The following UMAD1 variants were observed in gnomAD, a reference collection of about 807,000 sequenced individuals.
UMAD1 encodes the protein UBAP1-MVB12-associated (UMA) domain containing 1.
A neutral mutation model predicts 6.1 loss-of-function variants in UMAD1; 8 were observed. The observed-to-expected ratio is 1.30, with a 90% confidence interval of 0.76 to 2.35. UMAD1 has a LOEUF of 2.35. UMAD1 is among the 30% of genes most tolerant of loss of function. The pLI is 0.00. For synonymous variants in UMAD1, 56 were observed against 31.4 expected (o/e 1.78, Z -2.61); for missense variants, 130 against 78.4 (o/e 1.66, Z -2.49).
intron 2 of UMAD1, among the ~76,000 whole-genome samples, chr7:7,782,877 A>G (rs574195690): frequency 1.3e-5 from 2 of 151,880 alleles, no homozygotes; most frequent in South Asian, 4.2e-4. Context: ...CTACAGATGC[A>G]CGCCACCACA....
chr7:7,746,733 A>T (rs151311322), intron 2 of UMAD1, among the ~76,000 whole-genome samples: 79 of 152,384 alleles, frequency 5.2e-4, no homozygotes, highest in African/African-American at 1.8e-3. Context: ...AATGCCAGCC[A>T]AATGCCCTGT....
chr7:7,708,324 A>C (rs1348555417), intron 2 of UMAD1, among the ~76,000 whole-genome samples: 1 of 152,204 alleles, frequency 6.6e-6, no homozygotes, highest in Non-Finnish European at 1.5e-5. Context: ...TGAATAAGCT[A>C]CTTGTAGACG....
At chr7:7,793,783 A>G (rs1782615786) in intron 2 of UMAD1, among the ~76,000 whole-genome samples, 1 of 152,234 alleles carries the variant, frequency 6.6e-6, no homozygotes, top group Non-Finnish European at 1.5e-5. Flanking sequence ...TTGGCCATAT[A>G]GAGAGTCTTC....
intron 2 of UMAD1, among the ~76,000 whole-genome samples, chr7:7,722,451 T>C (rs1781069062): frequency 2.0e-5 from 3 of 152,088 alleles, no homozygotes. Flanking sequence ...AATAAATGCA[T>C]TTGACACTCC....
At chr7:7,762,496 A>C (rs1022048214) in intron 2 of UMAD1, among the ~76,000 whole-genome samples, 1 of 152,176 alleles carries the variant, frequency 6.6e-6, no homozygotes, top group Admixed American at 6.5e-5. Context: ...AAAGTCAAGA[A>C]CTTTGCTCTT....
intron 2 of UMAD1, among the ~76,000 whole-genome samples, chr7:7,688,344 G>A (rs4140802): frequency 0.56 from 85,396 of 151,942 alleles, 24,362 homozygotes; most frequent in East Asian, 0.8. Context: ...CTAGTTTGGC[G>A]TCAGAAAGTA....
intron 2 of UMAD1, among the ~76,000 whole-genome samples, chr7:7,760,893 A>T (rs1383154679): frequency 1.3e-5 from 2 of 152,192 alleles, no homozygotes; most frequent in African/African-American, 4.8e-5. Context: ...ATTTTTTCAA[A>T]TGCTTGTGGG....
intron 2 of UMAD1, among the ~76,000 whole-genome samples, chr7:7,759,514 A>C (rs936687391): frequency 6.6e-6 from 1 of 152,108 alleles, no homozygotes; most frequent in Non-Finnish European, 1.5e-5. Flanking sequence ...ACAGCATTCT[A>C]TTTTTCTTTT....
At chr7:7,722,997 G>A (rs2115185065) in intron 2 of UMAD1, among the ~76,000 whole-genome samples, 1 of 151,972 alleles carries the variant, frequency 6.6e-6, no homozygotes, top group South Asian at 2.1e-4. Flanking sequence ...ACCTTTGTCT[G>A]AGGAGATAAA....
chr7:7,787,644 G>A (rs1053354851), intron 2 of UMAD1, among the ~76,000 whole-genome samples: 1 of 151,956 alleles, frequency 6.6e-6, no homozygotes, highest in Non-Finnish European at 1.5e-5. Flanking sequence ...CTCCCATATT[G>A]TCTTGTCTAC....
At position 7,689,192 on chromosome 7, in the gene UMAD1, C is replaced by A. The variant is rs1396780561; in HGVS notation, c.82+15739C>A. On this transcript the variant is annotated intron_variant, in intron 2 of 3. Coordinates refer to ENST00000682710, the MANE Select transcript of UMAD1 (RefSeq NM_001302348.2). The stretch of plus-strand genomic sequence containing the variant: ...TTAGGAATGGGCACCCATCACATTT[C>A]TGACTGCGACATGAAGGAAGATCAA... The A allele has an allele frequency of 3.3e-5, 5 of 152,194 alleles. No homozygotes were observed. The East Asian group carries it at 9.6e-4, about 29-fold the overall frequency. 9.4% of individuals were successfully genotyped at this position (152,194 alleles called of 1,614,324 possible). A position where few individuals can be genotyped will look rare whatever the true frequency, so the allele number is the denominator to read the frequency against.
chr7:7,726,974 G>A (rs1177353284), intron 2 of UMAD1, among the ~76,000 whole-genome samples: 1 of 152,178 alleles, frequency 6.6e-6, no homozygotes, highest in African/African-American at 2.4e-5. Flanking sequence ...TGTGGTTCAG[G>A]TCAGCGGGAA....
chr7:7,733,012 C>T (rs567009844), intron 2 of UMAD1, among the ~76,000 whole-genome samples: 10 of 152,120 alleles, frequency 6.6e-5, no homozygotes, highest in Admixed American at 2.6e-4. Flanking sequence ...TTAATAAACC[C>T]GTCAATGAAA....
intron 1 of UMAD1, among the ~76,000 whole-genome samples, chr7:7,652,965 T>C (rs563888446): frequency 6.6e-6 from 1 of 152,344 alleles, no homozygotes; most frequent in African/African-American, 2.4e-5. Context: ...TACTGAATAA[T>C]GTTTTATTTA....
intron 3 of UMAD1, among the ~76,000 whole-genome samples, chr7:7,856,209 A>C (rs1232101049): frequency 6.6e-6 from 1 of 152,228 alleles, no homozygotes; most frequent in Non-Finnish European, 1.5e-5. Context: ...CACTACTTCA[A>C]TACCAATTTA....
intron 2 of UMAD1, among the ~76,000 whole-genome samples, chr7:7,683,062 G>C (rs1221843837): frequency 6.6e-6 from 1 of 152,198 alleles, no homozygotes; most frequent in African/African-American, 2.4e-5. Context: ...TGAATGTACA[G>C]TGAAAGGCAA....
At chr7:7,714,018 A>G (rs1780830469) in intron 2 of UMAD1, among the ~76,000 whole-genome samples, 2 of 152,134 alleles carry the variant, frequency 1.3e-5, no homozygotes, top group South Asian at 4.1e-4. Flanking sequence ...TTTCATCGTC[A>G]ATACTTCTTT....
At chr7:7,714,396 G>T (rs1195955517) in intron 2 of UMAD1, among the ~76,000 whole-genome samples, 1 of 152,188 alleles carries the variant, frequency 6.6e-6, no homozygotes, top group East Asian at 1.9e-4. Context: ...TATTATAATT[G>T]CATGATTTAA....
chr7:7,834,921 T>C (rs1032708299), intron 3 of UMAD1, among the ~76,000 whole-genome samples: 2 of 152,126 alleles, frequency 1.3e-5, no homozygotes, highest in African/African-American at 4.8e-5. Flanking sequence ...AAGTAAGGCA[T>C]GTCTTCCCAC....
Sources: gnomAD v4.1 joint callset for allele counts (sites outside exome capture counted in the v4.1 genomes callset) on GRCh38, gnomAD v4.1.1 for gene constraint, MANE v1.5 for transcripts, NCBI Gene and HGNC (gene_info 2026-07-23, HGNC 2026-07-21) for gene names.